Variants in SMIM35 observed in about 807,000 individuals in gnomAD.
SMIM35 encodes the protein small integral membrane protein 35, also known as TMPRSS4 antisense RNA 1 (non-protein coding).
At chr11:118,079,238 A>G (rs1222419540) in intron 1 of SMIM35, among the ~76,000 whole-genome samples, 1 of 152,112 alleles carries the variant, frequency 6.6e-6, no homozygotes, top group African/African-American at 2.4e-5. Flanking sequence ...AACCCTTGAC[A>G]GCCATAGCTC....
intron 1 of SMIM35, among the ~76,000 whole-genome samples, chr11:118,082,013 C>T (rs939148935): frequency 1.3e-5 from 2 of 152,222 alleles, no homozygotes; most frequent in Admixed American, 1.3e-4. Flanking sequence ...CATCTCCACC[C>T]TGACATCACT....
chr11:118,036,408 G>C (rs1382707349), intron 1 of SMIM35, among the ~76,000 whole-genome samples: 3 of 152,190 alleles, frequency 2.0e-5, no homozygotes, highest in Non-Finnish European at 4.4e-5. Context: ...GGATTTGAAA[G>C]TTTCCATTTT....
intron 1 of SMIM35, among the ~76,000 whole-genome samples, chr11:118,040,964 T>A (rs570800263): frequency 6.6e-6 from 1 of 151,522 alleles, no homozygotes; most frequent in African/African-American, 2.4e-5. Flanking sequence ...TATAATAATA[T>A]ATAATGTATA....
chr11:118,081,929 A>ACACT (rs1207754585), intron 1 of SMIM35, among the ~76,000 whole-genome samples: 1 of 152,132 alleles, frequency 6.6e-6, no homozygotes, highest in Non-Finnish European at 1.5e-5. Context: ...ACAAAGCCTG[A>ACACT]CACTCACTCA....
At chr11:118,009,723 T>G (rs116339928) in intron 4 of SMIM35, among the ~76,000 whole-genome samples, 1,849 of 144,028 alleles carry the variant, frequency 0.013, 35 homozygotes, top group African/African-American at 0.046. Context: ...ATGCAGACGC[T>G]TTAAAAAAAA....
intron 4 of SMIM35, among the ~76,000 whole-genome samples, chr11:118,009,100 G>C (rs1057448099): frequency 2.6e-5 from 4 of 152,142 alleles, no homozygotes; most frequent in African/African-American, 9.7e-5. Flanking sequence ...TGGAGGTCAA[G>C]GAAGTTCTAA....
chr11:118,014,873 G>A, intron 2 of SMIM35, 132 bp from the exon 3 acceptor site: 2 of 396,750 alleles, frequency 5.0e-6, no homozygotes. Context: ...TCAGGATGGT[G>A]TGGGAGCATT....
chr11:118,056,476 C>T (rs1341349610), intron 1 of SMIM35, among the ~76,000 whole-genome samples: 1 of 152,140 alleles, frequency 6.6e-6, no homozygotes, highest in African/African-American at 2.4e-5. Context: ...AAGGCAGTTC[C>T]ATCGTCCTGT....
At chr11:118,054,333 T>C (rs2135108970) in intron 1 of SMIM35, among the ~76,000 whole-genome samples, 1 of 152,310 alleles carries the variant, frequency 6.6e-6, no homozygotes, top group African/African-American at 2.4e-5. Context: ...GTCCTTTCTG[T>C]ACATCTGCCT....
At chr11:118,081,610 C>T (rs1338687233) in intron 1 of SMIM35, among the ~76,000 whole-genome samples, 1 of 152,236 alleles carries the variant, frequency 6.6e-6, no homozygotes, top group Non-Finnish European at 1.5e-5. Flanking sequence ...GCGTGCGCAC[C>T]TGTCCAGGGG....
intron 1 of SMIM35, among the ~76,000 whole-genome samples, chr11:118,021,060 C>CTTTTTTTTT (rs1591279274): frequency 1.0e-4 from 13 of 125,578 alleles, no homozygotes; most frequent in South Asian, 8.0e-4. Flanking sequence ...TTTTTTTTTA[C>CTTTTTTTTT]TATTTATTAA....
At chr11:118,011,008 C>T (rs891708293) in intron 4 of SMIM35, among the ~76,000 whole-genome samples, 4 of 152,156 alleles carry the variant, frequency 2.6e-5, no homozygotes, top group Non-Finnish European at 5.9e-5. Flanking sequence ...TTAGAGCCCT[C>T]AACAGAAACA....
intron 2 of SMIM35, among the ~76,000 whole-genome samples, chr11:118,015,248 A>T (rs2058173377): frequency 6.6e-6 from 1 of 152,188 alleles, no homozygotes; most frequent in Admixed American, 6.5e-5. Context: ...TATGTCTCAG[A>T]GTTGAGAACA....
At chr11:118,027,761 C>T (rs547952629) in intron 1 of SMIM35, among the ~76,000 whole-genome samples, 1 of 152,314 alleles carries the variant, frequency 6.6e-6, no homozygotes, top group African/African-American at 2.4e-5. Context: ...CACACATCCA[C>T]ATTATCCAAA....
At chr11:118,084,686 T>C (rs1945407909) in intron 1 of SMIM35, among the ~76,000 whole-genome samples, 1 of 152,242 alleles carries the variant, frequency 6.6e-6, no homozygotes, top group African/African-American at 2.4e-5. Flanking sequence ...CAGAGAGCAC[T>C]AATTTTCACT....
At chr11:118,029,205 T>C (rs1010971849) in intron 1 of SMIM35, among the ~76,000 whole-genome samples, 1 of 152,130 alleles carries the variant, frequency 6.6e-6, no homozygotes, top group Non-Finnish European at 1.5e-5. Flanking sequence ...CTTACACCTA[T>C]AATCCCAGCA....
Position 118,050,452 on chromosome 11 carries a change from C to A in SMIM35, c.8-34643G>T, listed in dbSNP as rs138157187. Among the ~76,000 whole-genome samples, 363 of 152,330 alleles carry A rather than the reference C, an allele frequency of 2.4e-3. 1 individual carries two copies. The highest frequency in any genetic ancestry group is 8.3e-3 in the African/African-American group (344 of 41,574). ...AGGTGAGCTGGGCACTAGCACCCAG[C>A]CACTGACACCAACCATCAGCTGCCC... On this transcript the variant is annotated intron_variant, in intron 1 of 4. Coordinates refer to ENST00000689828, the MANE Select transcript of SMIM35 (RefSeq NM_001394165.1).
intron 4 of SMIM35, among the ~76,000 whole-genome samples, chr11:118,010,970 C>T (rs1190477103): frequency 6.6e-6 from 1 of 152,192 alleles, no homozygotes. Flanking sequence ...GCTCCCGAAT[C>T]GTTTCTAAAC....
chr11:118,015,926 C>A (rs930686730), intron 1 of SMIM35, 117 bp from the exon 2 acceptor site: 8 of 397,930 alleles, frequency 2.0e-5, no homozygotes, highest in Non-Finnish European at 1.3e-5. Flanking sequence ...CCCCTGGGAG[C>A]CTTGCTCTGA....
Sources: gnomAD v4.1 joint callset for allele counts (sites outside exome capture counted in the v4.1 genomes callset) on GRCh38, gnomAD v4.1.1 for gene constraint, MANE v1.5 for transcripts, NCBI Gene and HGNC (gene_info 2026-07-23, HGNC 2026-07-21) for gene names.